Variants in NRXN1 observed in about 807,000 individuals in gnomAD.
The protein encoded by NRXN1 is neurexin 1, also known as neurexin-1.
Under a neutral mutation model 150.9 loss-of-function variants are expected in NRXN1, and 39 were observed. The observed-to-expected ratio is 0.26, with a 90% CI of 0.20 to 0.34. The LOEUF (loss-of-function observed/expected upper bound fraction) is 0.34, where lower values mean the gene tolerates loss of function less well. Among genes scored for constraint, NRXN1 ranks in the 10% least tolerant of loss-of-function variants. NRXN1 has a pLI of 1.00. For synonymous variants in NRXN1, 924 were observed against 757.0 expected, an observed-to-expected ratio of 1.22 and a Z score of -3.62; for missense variants, 1,815 against 1,949.9, an observed-to-expected ratio of 0.93 and a Z score of 1.30.
chr2:50,220,453 G>A (rs1435451567), intron 18 of NRXN1, among the ~76,000 whole-genome samples: 1 of 151,834 alleles, frequency 6.6e-6, no homozygotes, highest in African/African-American at 2.4e-5. Context: ...TGCTTTTTCT[G>A]GCCCAGATAA....
At chr2:50,050,050 C>A (rs940754646) in intron 21 of NRXN1, among the ~76,000 whole-genome samples, 1 of 151,486 alleles carries the variant, frequency 6.6e-6, no homozygotes, top group Non-Finnish European at 1.5e-5. Context: ...TAAAAAGGAA[C>A]AATTCGATCA....
At chr2:50,457,956 G>T (rs1027038733) in intron 17 of NRXN1, among the ~76,000 whole-genome samples, 1 of 152,098 alleles carries the variant, frequency 6.6e-6, no homozygotes, top group Non-Finnish European at 1.5e-5. Flanking sequence ...CATAACTACC[G>T]TATGATCCAG....
At chr2:50,368,996 TA>T (rs1180558634) in intron 17 of NRXN1, among the ~76,000 whole-genome samples, 1 of 151,774 alleles carries the variant, frequency 6.6e-6, no homozygotes, top group African/African-American at 2.4e-5. Context: ...GAAAACAGAG[TA>T]AATTCACATG....
chr2:50,058,842 G>T (rs1694050358), intron 19 of NRXN1, among the ~76,000 whole-genome samples: 1 of 152,142 alleles, frequency 6.6e-6, no homozygotes, highest in Non-Finnish European at 1.5e-5. Flanking sequence ...AGTAAGACAT[G>T]ACTTTGCTCC....
At chr2:50,219,510 A>T (rs2152854993) in intron 18 of NRXN1, among the ~76,000 whole-genome samples, 1 of 152,088 alleles carries the variant, frequency 6.6e-6, no homozygotes, top group Non-Finnish European at 1.5e-5. Context: ...ATATATAATT[A>T]TTGAGGTACT....
rs190608699 is a variant in NRXN1 at position 50,567,734 on chromosome 2, C to T, written c.1321-14709G>A. Among the ~76,000 whole-genome samples the T allele has an allele frequency of 5.6e-3, 856 of 152,212 alleles. 7 individuals are homozygous for T. Among genetic ancestry groups the T allele is most frequent in the Middle Eastern group, 0.014 (4 of 294 alleles). ...AGAATAGTGTGGGGGTAAATTTCAT[C>T]ATTAGATATCATTAAAATTAGAACT... On this transcript the variant is annotated intron_variant, in intron 8 of 22. Transcript: ENST00000401669.
rs551823289 is a variant in NRXN1 at position 50,656,230 on chromosome 2, A to T, written c.833-32615T>A. 15 of 565,108 alleles carry T rather than the reference A, an allele frequency of 2.7e-5. No homozygotes were observed. In the African/African-American group the frequency reaches 2.7e-4, roughly 10 times the overall value. 35.0% of individuals were successfully genotyped at this position (565,108 alleles called of 1,614,324 possible). Reference sequence around the variant, plus strand: ...CACAAAAGCAAAGTGATCTTTTTTAAACTTAAAGTCTAATCATGCCCCTTC... The same window carrying T: ...CACAAAAGCAAAGTGATCTTTTTTATACTTAAAGTCTAATCATGCCCCTTC... On this transcript the variant is annotated intron_variant, in intron 5 of 22. Coordinates refer to ENST00000401669, the MANE Select transcript of NRXN1 (RefSeq NM_001330078.2).
intron 2 of NRXN1, among the ~76,000 whole-genome samples, chr2:51,003,888 T>G (rs1039882611): frequency 3.9e-5 from 6 of 151,952 alleles, no homozygotes; most frequent in Admixed American, 1.3e-4. Context: ...ACTGATTATT[T>G]TCTACTTACC....
intron 5 of NRXN1, among the ~76,000 whole-genome samples, chr2:50,744,012 C>T (rs896417736): frequency 6.6e-6 from 1 of 152,134 alleles, no homozygotes; most frequent in South Asian, 2.1e-4. Flanking sequence ...AACACCATAA[C>T]TATGCAGGGT....
intron 17 of NRXN1, among the ~76,000 whole-genome samples, chr2:50,283,453 G>A (rs1312131680): frequency 1.3e-5 from 2 of 152,076 alleles, no homozygotes; most frequent in Admixed American, 1.3e-4. Context: ...AAATACATAT[G>A]CCAAAATGAA....
chr2:50,103,791 T>C lies in NRXN1; in HGVS notation c.3547-12297A>G, dbSNP rs1460806881. Reference sequence around the variant, plus strand: ...AAGCAAGAGAATATTTTGAAGACAGTTGTGGACGTTTAGCTCAGTAAAGAC... The same window carrying C: ...AAGCAAGAGAATATTTTGAAGACAGCTGTGGACGTTTAGCTCAGTAAAGAC... On this transcript the variant is annotated intron_variant, in intron 18 of 22. Coordinates refer to ENST00000401669, the MANE Select transcript of NRXN1 (RefSeq NM_001330078.2). Among the ~76,000 whole-genome samples the C allele has an allele frequency of 2.6e-5, 4 of 152,006 alleles. No individual in the cohort carries two copies. In the South Asian group the frequency reaches 8.3e-4, roughly 31 times the overall value.
intron 18 of NRXN1, among the ~76,000 whole-genome samples, chr2:50,197,323 GC>G (rs1370256173): frequency 1.3e-5 from 2 of 152,086 alleles, no homozygotes; most frequent in African/African-American, 4.8e-5. Context: ...ATTCTTACAT[GC>G]CATTAGCATA....
intron 5 of NRXN1, among the ~76,000 whole-genome samples, chr2:50,715,811 T>G (rs1309571959): frequency 6.6e-6 from 1 of 152,200 alleles, no homozygotes; most frequent in African/African-American, 2.4e-5. Context: ...ATTATTAGTT[T>G]CCATATATTA....
chr2:50,726,575 CA>C (rs1697388642), intron 5 of NRXN1, among the ~76,000 whole-genome samples: 1 of 152,174 alleles, frequency 6.6e-6, no homozygotes, highest in Non-Finnish European at 1.5e-5. Context: ...CCCTAAAAAA[CA>C]GGTGCTATTA....
chr2:50,475,708 A>T (rs2089932500), intron 15 of NRXN1, among the ~76,000 whole-genome samples: 1 of 152,044 alleles, frequency 6.6e-6, no homozygotes, highest in South Asian at 2.1e-4. Context: ...ACCACCACTT[A>T]GTACTGTTTA....
chr2:50,333,972 C>G (rs2076996525), intron 17 of NRXN1, among the ~76,000 whole-genome samples: 1 of 151,892 alleles, frequency 6.6e-6, no homozygotes, highest in African/African-American at 2.4e-5. Context: ...AGATGCAGGA[C>G]TTTTAACAGT....
At position 50,219,943 on chromosome 2, in the gene NRXN1, TTATATATATAATATATATATTA is replaced by T. The variant is rs1328922005; in HGVS notation, c.3546+16824_3546+16845del. On this transcript the variant is annotated intron_variant, in intron 18 of 22. Coordinates refer to ENST00000401669, the MANE Select transcript of NRXN1 (RefSeq NM_001330078.2). Reference sequence around the variant, plus strand: ...CTCTCTATATTATATATATTATATATTATATATATAATATATATATTATATATATATAATATATATATTATAT... The same window carrying T: ...CTCTCTATATTATATATATTATATATTATATATATAATATATATATTATAT... Among the ~76,000 whole-genome samples the T allele has an allele frequency of 8.0e-5, 6 of 75,470 alleles. No individual in the cohort carries two copies. The South Asian group carries it at 1.3e-3, about 16-fold the overall frequency. 49.5% of individuals were successfully genotyped at this position (75,470 alleles called of 152,430 possible).
chr2:51,009,453 T>C (rs1022434602), intron 2 of NRXN1, among the ~76,000 whole-genome samples: 3 of 151,964 alleles, frequency 2.0e-5, no homozygotes, highest in Admixed American at 2.0e-4. Flanking sequence ...TAGCATAATA[T>C]ATCGGGACAA....
At chr2:50,146,145 A>T (rs1310458490) in intron 18 of NRXN1, among the ~76,000 whole-genome samples, 1 of 151,676 alleles carries the variant, frequency 6.6e-6, no homozygotes, top group African/African-American at 2.4e-5. Flanking sequence ...ACTGGCAGTT[A>T]TAATTACCAT....
Sources: gnomAD v4.1 joint callset for allele counts (sites outside exome capture counted in the v4.1 genomes callset) on GRCh38, gnomAD v4.1.1 for gene constraint, MANE v1.5 for transcripts, NCBI Gene and HGNC (gene_info 2026-07-23, HGNC 2026-07-21) for gene names.